Variants in UBAC2 observed in about 807,000 individuals in gnomAD.
UBAC2 encodes UBA domain containing 2.
UBAC2 carries 26 observed loss-of-function variants against 44.0 expected under a neutral mutation model. The observed-to-expected ratio is 0.59, with a 90% CI of 0.43 to 0.82. The LOEUF is 0.82. Among genes scored for constraint, UBAC2 ranks in the 40% least tolerant of loss-of-function variants. The probability of loss-of-function intolerance (pLI) is 0.00; values close to 1 mark genes in which losing one functional copy is unlikely to be tolerated. For synonymous variants in UBAC2, 155 were observed against 154.3 expected, an observed-to-expected ratio of 1.00 and a Z score of -0.04; for missense variants, 329 against 419.4, an observed-to-expected ratio of 0.78 and a Z score of 1.88.
At chr13:99,309,461 C>G (rs1397358491) in intron 4 of UBAC2, among the ~76,000 whole-genome samples, 8 of 152,044 alleles carry the variant, frequency 5.3e-5, no homozygotes, top group African/African-American at 1.9e-4. Context: ...GTGATGGGGT[C>G]ATTATCCTGT....
chr13:99,350,311 G>A (rs1315626497), intron 7 of UBAC2, among the ~76,000 whole-genome samples: 2 of 152,162 alleles, frequency 1.3e-5, no homozygotes, highest in Admixed American at 6.5e-5. Flanking sequence ...TCACATGGAT[G>A]ACTGATGTCC....
At chr13:99,219,675 G>A (rs2043033472) in intron 1 of UBAC2, among the ~76,000 whole-genome samples, 1 of 152,108 alleles carries the variant, frequency 6.6e-6, no homozygotes, top group South Asian at 2.1e-4. Flanking sequence ...GTGGCCCAGG[G>A]AAACCAAAAG....
chr13:99,338,047 CTTTTTTTT>C lies in UBAC2; in HGVS notation c.562-2252_562-2245del, dbSNP rs869112086. 8.2e-4 allele frequency among the ~76,000 whole-genome samples: 40 copies of C among 48,856 alleles called. 1 individual carries two copies. Among genetic ancestry groups the C allele is most frequent in the South Asian group, 2.6e-3 (3 of 1,172 alleles). 32.1% of individuals were successfully genotyped at this position (48,856 alleles called of 152,430 possible). On this transcript the variant is annotated intron_variant, in intron 6 of 8. Coordinates refer to ENST00000403766, the MANE Select transcript of UBAC2 (RefSeq NM_001144072.2). ...ATCTCCTAACTTTTTTTCTTTTTTT[CTTTTTTTT>C]TTTTTTTTTTTTTTTTTTTTGAGAC...
intron 2 of UBAC2, among the ~76,000 whole-genome samples, chr13:99,241,607 G>T (rs952419745): frequency 6.6e-6 from 1 of 152,128 alleles, no homozygotes; most frequent in Non-Finnish European, 1.5e-5. Context: ...CAGGAAGTTA[G>T]CATGGCATTT....
chr13:99,240,703 G>A (rs1351233552), intron 2 of UBAC2, among the ~76,000 whole-genome samples: 1 of 152,154 alleles, frequency 6.6e-6, no homozygotes, highest in African/African-American at 2.4e-5. Context: ...CTCCGGTACT[G>A]TTTCTCCTTG....
chr13:99,254,517 T>G (rs1414900419), intron 4 of UBAC2, among the ~76,000 whole-genome samples: 2 of 152,184 alleles, frequency 1.3e-5, no homozygotes, highest in Non-Finnish European at 2.9e-5. Flanking sequence ...TATAATTCCA[T>G]TCCTAGTGCA....
chr13:99,277,688 C>G (rs2043901975), intron 4 of UBAC2, among the ~76,000 whole-genome samples: 1 of 152,184 alleles, frequency 6.6e-6, no homozygotes, highest in Non-Finnish European at 1.5e-5. Context: ...GTGTCATCCT[C>G]CAGCATCACT....
chr13:99,375,273 A>G (rs146614165), intron 8 of UBAC2, among the ~76,000 whole-genome samples: 7 of 147,846 alleles, frequency 4.7e-5, no homozygotes, highest in African/African-American at 1.7e-4. Context: ...CAACCAAGAG[A>G]TGTGAAAGGA....
At chr13:99,378,559 C>A (rs757679739) in intron 8 of UBAC2, among the ~76,000 whole-genome samples, 13 of 152,110 alleles carry the variant, frequency 8.5e-5, no homozygotes, top group Non-Finnish European at 1.3e-4. Context: ...ACTTCAATAT[C>A]CACTTCTTCT....
chr13:99,281,181 T>A (rs2043949113), intron 4 of UBAC2, among the ~76,000 whole-genome samples: 1 of 149,746 alleles, frequency 6.7e-6, no homozygotes, highest in African/African-American at 2.5e-5. Flanking sequence ...AGAGCGAGAC[T>A]CCATCTCAAA....
At chr13:99,322,457 A>G (rs1374016645) in intron 6 of UBAC2, among the ~76,000 whole-genome samples, 2 of 152,214 alleles carry the variant, frequency 1.3e-5, no homozygotes, top group Middle Eastern at 3.2e-3. Flanking sequence ...CATGATTAAA[A>G]TAGAAAGAGC....
chr13:99,229,045 C>T (rs1362046536), intron 1 of UBAC2, among the ~76,000 whole-genome samples: 1 of 152,196 alleles, frequency 6.6e-6, no homozygotes, highest in East Asian at 1.9e-4. Flanking sequence ...GTGATCTTGG[C>T]TGTTAATGAT....
At chr13:99,245,864 C>T (rs2043377304) in intron 4 of UBAC2, among the ~76,000 whole-genome samples, 1 of 152,036 alleles carries the variant, frequency 6.6e-6, no homozygotes, top group Non-Finnish European at 1.5e-5. Flanking sequence ...CCCAAAAAAC[C>T]ATGTATTAGT....
At chr13:99,260,915 A>G (rs2043651294) in intron 4 of UBAC2, among the ~76,000 whole-genome samples, 1 of 152,240 alleles carries the variant, frequency 6.6e-6, no homozygotes. Context: ...TGGTTTTGAT[A>G]TTAAAAGCCA....
intron 1 of UBAC2, among the ~76,000 whole-genome samples, chr13:99,229,738 C>T (rs1394637062): frequency 2.6e-5 from 4 of 152,188 alleles, no homozygotes; most frequent in Middle Eastern, 3.4e-3. Flanking sequence ...TAAAAATCTT[C>T]GTTGAAAGAA....
intron 2 of UBAC2, among the ~76,000 whole-genome samples, chr13:99,241,310 G>A (rs1200023985): frequency 6.6e-6 from 1 of 150,900 alleles, no homozygotes; most frequent in African/African-American, 2.4e-5. Flanking sequence ...ACCAATGTTC[G>A]CAGCAGCATT....
intron 4 of UBAC2, among the ~76,000 whole-genome samples, chr13:99,253,582 C>T (rs573582958): frequency 2.9e-4 from 44 of 152,076 alleles, no homozygotes; most frequent in African/African-American, 9.2e-4. Context: ...GGCGCAATCT[C>T]GGCTCACTGC....
intron 6 of UBAC2, among the ~76,000 whole-genome samples, chr13:99,337,251 T>C (rs1449474386): frequency 6.6e-6 from 1 of 152,208 alleles, no homozygotes; most frequent in Non-Finnish European, 1.5e-5. Flanking sequence ...TTGATGAAAA[T>C]TGGTATCTTA....
chr13:99,272,070 T>G (rs2043822598), intron 4 of UBAC2, among the ~76,000 whole-genome samples: 1 of 152,222 alleles, frequency 6.6e-6, no homozygotes, highest in Non-Finnish European at 1.5e-5. Flanking sequence ...TAGTCTTCTC[T>G]CTAAAAGACA....
Sources: allele counts gnomAD v4.1 joint callset (sites outside exome capture counted in the v4.1 genomes callset), GRCh38; gene constraint gnomAD v4.1.1; transcripts MANE v1.5; gene names NCBI Gene and HGNC (gene_info 2026-07-23, HGNC 2026-07-21).